NUP160: variants seen among roughly 807,000 people sequenced by gnomAD.
NUP160 encodes the protein nuclear pore complex protein Nup160.
Under a neutral mutation model 196.9 loss-of-function variants are expected in NUP160, and 94 were observed. The observed-to-expected ratio is 0.48, with a 90% CI of 0.40 to 0.57. NUP160 has a LOEUF of 0.57. Ranked by LOEUF, NUP160 falls within the 20% of genes least tolerant of loss-of-function variation. NUP160 has a pLI of 0.00. For synonymous variants in NUP160, 605 were observed against 619.7 expected (o/e 0.98, Z 0.35); for missense variants, 1,638 against 1,748.3 (o/e 0.94, Z 1.13).
chr11:47,780,345 C>T lies in NUP160; in HGVS notation c.4219G>A (p.Ala1407Thr), dbSNP rs186321019. 2.1e-5 allele frequency: 34 copies of T among 1,607,398 alleles called. No homozygotes were observed. The highest frequency in any genetic ancestry group is 1.6e-4 in the South Asian group (15 of 90,940). The change falls in exon 35 of 36, where the codon GCA becomes ACA. Residue 1407 changes from alanine (A) to threonine (T), a missense_variant and splice_region_variant. This residue lies in a region of NUP160 where 1,345 missense variants were observed against 1,470.2 expected (regional missense o/e 0.91). Coordinates refer to ENST00000378460, the Ensembl canonical transcript of NUP160. Reference sequence around the variant, plus strand: ...GTCTCATGAAAGGGCTGACTTACTGCGATGTTGTGACTGTTGGCACTGTTC... The same window carrying T: ...GTCTCATGAAAGGGCTGACTTACTGTGATGTTGTGACTGTTGGCACTGTTC...
chr11:47,818,720 C>A (rs1851792050), intron 10 of NUP160, among the ~76,000 whole-genome samples: 1 of 152,092 alleles, frequency 6.6e-6, no homozygotes. Flanking sequence ...CTTCCTTCTA[C>A]TGAGATGATA....
intron 17 of NUP160, among the ~76,000 whole-genome samples, chr11:47,811,166 A>G (rs2097680881): frequency 6.6e-6 from 1 of 152,152 alleles, no homozygotes; most frequent in Non-Finnish European, 1.5e-5. Flanking sequence ...GAGGACCACA[A>G]AGATAAACCT....
At position 47,836,882 on chromosome 11, in the gene NUP160, C is replaced by T; in HGVS notation, c.942+5G>A. The T allele has an allele frequency of 6.5e-7, 1 of 1,527,550 alleles. No homozygotes were observed. The highest frequency in any genetic ancestry group is 9.1e-7 in the Non-Finnish European group (1 of 1,101,788). The allele number at this position is 1,527,550 out of a possible 1,614,324, so 94.6% of individuals were successfully genotyped here. ...ACTTACAGCAACTATAAATGTAGCA[C>T]TTACCTTGTAAGACCACATTCGTAG... On this transcript the variant is annotated splice_donor_5th_base_variant and intron_variant, in intron 6 of 35. Transcript: ENST00000378460.
intron 31 of NUP160, 51 bp from the exon 32 acceptor site, chr11:47,786,605 C>T: frequency 8.9e-7 from 1 of 1,121,130 alleles, no homozygotes; most frequent in Non-Finnish European, 1.4e-6. Context: ...AAACGTACCA[C>T]TTTAATTTGA....
intron 17 of NUP160, among the ~76,000 whole-genome samples, chr11:47,809,990 A>T (rs1159192446): frequency 6.6e-6 from 1 of 152,076 alleles, no homozygotes; most frequent in Non-Finnish European, 1.5e-5. Context: ...GCTTATATAT[A>T]TTTTGTAAAG....
rs879190333 is a variant in NUP160, at chr11:47,836,824, A to C, written c.942+63T>G. The C allele has an allele frequency of 1.0e-5, 10 of 1,002,906 alleles. No individual in the cohort carries two copies. The South Asian group carries it at 1.4e-4, about 14-fold the overall frequency. 62.1% of individuals were successfully genotyped at this position (1,002,906 alleles called of 1,614,324 possible). A position where few individuals can be genotyped will look rare whatever the true frequency, so the allele number is the denominator to read the frequency against. ...AATCTTTAGAGAAACAGCAAAATTT[A>C]CTTCAATTCTCATGATTCACAATCC... On this transcript the variant is annotated intron_variant, in intron 6 of 35. Coordinates refer to ENST00000378460, the Ensembl canonical transcript of NUP160.
intron 17 of NUP160, 124 bp downstream of exon 17, chr11:47,811,940 G>A: frequency 1.3e-6 from 1 of 753,830 alleles, no homozygotes; most frequent in African/African-American, 1.8e-5. Context: ...CCAAGCTTGG[G>A]AGAATAAAGC....
chr11:47,830,663 T>C (rs1436923668), intron 7 of NUP160, among the ~76,000 whole-genome samples: 2 of 152,072 alleles, frequency 1.3e-5, no homozygotes, highest in Admixed American at 6.6e-5. Context: ...TGATGGGAAC[T>C]TATGAACACG....
At chr11:47,825,864 G>A (rs1342419746) in intron 7 of NUP160, among the ~76,000 whole-genome samples, 1 of 152,084 alleles carries the variant, frequency 6.6e-6, no homozygotes, top group Non-Finnish European at 1.5e-5. Flanking sequence ...GATTACAGGC[G>A]TGAGCCACCA....
intron 7 of NUP160, among the ~76,000 whole-genome samples, chr11:47,825,003 G>A (rs754172430): frequency 7.0e-4 from 105 of 150,582 alleles, no homozygotes; most frequent in Admixed American, 1.6e-3. Flanking sequence ...GCCCAGCTAA[G>A]TTTTTGTATT....
At chr11:47,806,110 G>C (rs372429591) in intron 20 of NUP160, 43 bp downstream of exon 20, 1 of 1,593,138 alleles carries the variant, frequency 6.3e-7, no homozygotes, top group Non-Finnish European at 8.6e-7. Context: ...CAACATGCCC[G>C]GCCAGAAGAG....
chr11:47,837,109 A>G (rs1852192273), intron 5 of NUP160, 108 bp from the exon 6 acceptor site: 2 of 615,858 alleles, frequency 3.2e-6, no homozygotes. Flanking sequence ...CTCTTAGCAG[A>G]AGGACCAAGA....
chr11:47,792,683 T>C (rs2097668531), intron 28 of NUP160, 103 bp downstream of exon 28: 3 of 1,148,540 alleles, frequency 2.6e-6, no homozygotes, highest in Non-Finnish European at 3.6e-6. Context: ...AAATTGTAAA[T>C]CAAAAGAAGC....
chr11:47,848,337 A>C, exon 1 of NUP160: 1 of 1,613,290 alleles, frequency 6.2e-7, no homozygotes. Flanking sequence ...CGTCGCCGCG[A>C]CGCCCAACGG....
intron 14 of NUP160, 70 bp downstream of exon 14, chr11:47,813,246 A>G (rs2097682181): frequency 2.5e-6 from 3 of 1,198,612 alleles, no homozygotes; most frequent in Non-Finnish European, 3.7e-6. Context: ...TATTTTTTGT[A>G]TCCATGTGAA....
intron 11 of NUP160, among the ~76,000 whole-genome samples, chr11:47,816,572 C>A (rs1052563111): frequency 1.3e-5 from 2 of 151,902 alleles, no homozygotes; most frequent in South Asian, 2.1e-4. Flanking sequence ...GCCAGGAGTT[C>A]GAGACAAGCT....
intron 7 of NUP160, among the ~76,000 whole-genome samples, chr11:47,832,921 A>G (rs1852104839): frequency 6.6e-6 from 1 of 152,250 alleles, no homozygotes; most frequent in Non-Finnish European, 1.5e-5. Context: ...CACTGACATA[A>G]TATGACCAGA....
chr11:47,778,974 A>C, exon 36 of NUP160: 1 of 681,558 alleles, frequency 1.5e-6, no homozygotes, highest in Middle Eastern at 2.4e-4. Context: ...TATCTTGTGC[A>C]GAATGCAGAC....
chr11:47,822,160 C>A (rs1397839038), exon 8 of NUP160: 1 of 1,598,330 alleles, frequency 6.3e-7, no homozygotes, highest in Admixed American at 1.7e-5. Flanking sequence ...CTGGAAAATG[C>A]AGAACTGTTA....
Sources: gnomAD v4.1 joint callset for allele counts (sites outside exome capture counted in the v4.1 genomes callset) on GRCh38, gnomAD v4.1.1 for gene constraint, gnomAD v4.1.1 regional missense constraint, MANE v1.5 for transcripts, NCBI Gene and HGNC (gene_info 2026-07-23, HGNC 2026-07-21) for gene names.